Variants in RALYL observed in about 807,000 individuals in gnomAD.
RALYL encodes RALY RNA binding protein like.
In RALYL, 29 loss-of-function variants were observed where a neutral mutation model predicts 35.1. The observed-to-expected ratio is 0.83, with a 90% CI of 0.61 to 1.13. RALYL has a LOEUF of 1.13. Among genes scored for constraint, RALYL ranks in the 50% most tolerant of loss-of-function variants. RALYL has a pLI of 0.00. For synonymous variants in RALYL, 120 were observed against 127.6 expected (o/e 0.94, Z 0.40); for missense variants, 359 against 360.4 (o/e 1.00, Z 0.03).
intron 1 of RALYL, among the ~76,000 whole-genome samples, chr8:84,197,685 C>T (rs1006963383): frequency 6.6e-6 from 1 of 150,794 alleles, no homozygotes; most frequent in African/African-American, 2.4e-5. Context: ...TCCGAGCTCT[C>T]AGGGAGGCAA....
chr8:84,417,111 A>T (rs1241154811), intron 1 of RALYL, among the ~76,000 whole-genome samples: 1 of 142,996 alleles, frequency 7.0e-6, no homozygotes, highest in Non-Finnish European at 1.5e-5. Context: ...CAGGAATTAG[A>T]ACAAAAAAAA....
chr8:84,905,474 T>C (rs557618343), intron 8 of RALYL, among the ~76,000 whole-genome samples: 1 of 152,222 alleles, frequency 6.6e-6, no homozygotes, highest in South Asian at 2.1e-4. Flanking sequence ...TAGTTCCCTT[T>C]TTATTTGGGG....
chr8:84,879,549 A>G (rs996662766), intron 7 of RALYL, among the ~76,000 whole-genome samples: 5 of 152,110 alleles, frequency 3.3e-5, no homozygotes, highest in Admixed American at 3.3e-4. Flanking sequence ...GATAATGTCA[A>G]CAGATAGTGC....
At chr8:84,392,135 T>G (rs1482645262) in intron 1 of RALYL, among the ~76,000 whole-genome samples, 1 of 152,076 alleles carries the variant, frequency 6.6e-6, no homozygotes, top group Non-Finnish European at 1.5e-5. Context: ...TGCTCCACTA[T>G]AGCCTCAACT....
chr8:84,633,762 T>C (rs916152584), intron 2 of RALYL, among the ~76,000 whole-genome samples: 2 of 151,914 alleles, frequency 1.3e-5, no homozygotes, highest in African/African-American at 4.8e-5. Context: ...AAAATGTGTA[T>C]GCCTATCTCT....
intron 2 of RALYL, among the ~76,000 whole-genome samples, chr8:84,570,695 C>A (rs549390792): frequency 8.6e-5 from 13 of 151,984 alleles, no homozygotes; most frequent in African/African-American, 3.1e-4. Context: ...AACTTTTCTC[C>A]ATTCAACATG....
intron 6 of RALYL, among the ~76,000 whole-genome samples, chr8:84,863,753 G>C (rs73301208): frequency 1.6e-4 from 25 of 152,254 alleles, no homozygotes; most frequent in African/African-American, 5.3e-4. Flanking sequence ...AAAGTTTGTT[G>C]TACTCAACAA....
chr8:84,283,578 GAGACT>G (rs1837034610), intron 1 of RALYL, among the ~76,000 whole-genome samples: 1 of 152,142 alleles, frequency 6.6e-6, no homozygotes, highest in African/African-American at 2.4e-5. Context: ...TTAAGTAAAA[GAGACT>G]AGGTCCTTAT....
intron 2 of RALYL, among the ~76,000 whole-genome samples, chr8:84,623,508 T>G (rs770279968): frequency 1.3e-5 from 2 of 152,146 alleles, no homozygotes; most frequent in Non-Finnish European, 2.9e-5. Flanking sequence ...GTAAGTAGAA[T>G]TAAATTTACA....
intron 1 of RALYL, among the ~76,000 whole-genome samples, chr8:84,225,772 C>T (rs1823731813): frequency 6.6e-6 from 1 of 152,084 alleles, no homozygotes; most frequent in African/African-American, 2.4e-5. Flanking sequence ...AGCACAGTCT[C>T]GAATGTGTGT....
intron 1 of RALYL, among the ~76,000 whole-genome samples, chr8:84,376,412 TAGA>T (rs1343028058): frequency 6.6e-6 from 1 of 151,832 alleles, no homozygotes; most frequent in East Asian, 1.9e-4. Context: ...GATAATGCTT[TAGA>T]AGAAGGTTAT....
At chr8:84,369,146 A>T (rs1023246346) in intron 1 of RALYL, among the ~76,000 whole-genome samples, 1 of 152,072 alleles carries the variant, frequency 6.6e-6, no homozygotes, top group Non-Finnish European at 1.5e-5. Flanking sequence ...TTTGTACTGA[A>T]GTTTATCGCT....
intron 2 of RALYL, among the ~76,000 whole-genome samples, chr8:84,571,608 C>T (rs145454652): frequency 0.017 from 2,589 of 151,764 alleles, 88 homozygotes; most frequent in African/African-American, 0.059. Flanking sequence ...GTCTCAGTCT[C>T]ATTTAGTTCT....
chr8:84,565,755 G>A (rs974390671), intron 2 of RALYL, among the ~76,000 whole-genome samples: 31 of 151,554 alleles, frequency 2.0e-4, no homozygotes, highest in Middle Eastern at 3.2e-3. Flanking sequence ...TAATTTAGGT[G>A]CAAATTTTAA....
At chr8:84,713,406 G>C (rs556300920) in intron 2 of RALYL, among the ~76,000 whole-genome samples, 1 of 151,948 alleles carries the variant, frequency 6.6e-6, no homozygotes, top group South Asian at 2.1e-4. Flanking sequence ...GACAAAGAAT[G>C]TGAAAAAGTC....
chr8:84,838,438 G>T (rs1245036401), intron 4 of RALYL, among the ~76,000 whole-genome samples: 2 of 152,138 alleles, frequency 1.3e-5, no homozygotes, highest in Non-Finnish European at 2.9e-5. Flanking sequence ...CTCTTTCTTG[G>T]AAATCCACCT....
chr8:84,387,700 C>T (rs528865891), intron 1 of RALYL, among the ~76,000 whole-genome samples: 170 of 151,880 alleles, frequency 1.1e-3, no homozygotes, highest in Non-Finnish European at 2.0e-3. Flanking sequence ...AGGACATATT[C>T]GCTTTAGCTA....
chr8:84,357,645 A>G (rs1852114651), intron 1 of RALYL, among the ~76,000 whole-genome samples: 1 of 151,668 alleles, frequency 6.6e-6, no homozygotes, highest in Admixed American at 6.6e-5. Context: ...CTAGAAAAGT[A>G]CCTCATCATT....
chr8:84,684,682 A>T (rs1836372735), intron 2 of RALYL, among the ~76,000 whole-genome samples: 1 of 152,196 alleles, frequency 6.6e-6, no homozygotes, highest in Non-Finnish European at 1.5e-5. Flanking sequence ...ATCGTGTAAG[A>T]ATTGGCATGA....
Sources: allele counts gnomAD v4.1 joint callset (sites outside exome capture counted in the v4.1 genomes callset), GRCh38; gene constraint gnomAD v4.1.1; transcripts MANE v1.5; gene names NCBI Gene and HGNC (gene_info 2026-07-23, HGNC 2026-07-21).